PTGIS: variants seen among roughly 807,000 people sequenced by gnomAD.
PTGIS encodes the protein prostaglandin I2 synthase.
Under a neutral mutation model 50.3 loss-of-function variants are expected in PTGIS, and 45 were observed. That is an observed-to-expected ratio of 0.90 (90% confidence interval 0.70 to 1.15). The LOEUF is 1.15. Among genes scored for constraint, PTGIS ranks in the 50% most tolerant of loss-of-function variants. PTGIS has a pLI of 0.00. For synonymous variants in PTGIS, 260 were observed against 267.7 expected (o/e 0.97, Z 0.28); for missense variants, 668 against 661.3 (o/e 1.01, Z -0.11).
chr20:49,517,153 C>T (rs1981504506), intron 6 of PTGIS, among the ~76,000 whole-genome samples: 2 of 152,248 alleles, frequency 1.3e-5, no homozygotes, highest in Non-Finnish European at 2.9e-5. Context: ...GGGGGGGCCT[C>T]CGGCCCTTTC....
At chr20:49,537,181 G>A (rs140004474) in intron 5 of PTGIS, among the ~76,000 whole-genome samples, 17 of 152,286 alleles carry the variant, frequency 1.1e-4, no homozygotes, top group African/African-American at 4.1e-4. Flanking sequence ...GACCTGGATG[G>A]GGCTGAGGGA....
intron 5 of PTGIS, among the ~76,000 whole-genome samples, chr20:49,533,735 T>A (rs1335605722): frequency 2.0e-5 from 3 of 152,048 alleles, no homozygotes; most frequent in African/African-American, 7.2e-5. Context: ...AGCAGGCAGA[T>A]CACTTGAGGT....
intron 5 of PTGIS, among the ~76,000 whole-genome samples, chr20:49,536,473 T>C (rs1373675288): frequency 2.1e-5 from 3 of 140,956 alleles, no homozygotes; most frequent in Non-Finnish European, 4.5e-5. Flanking sequence ...TTTCTTTCTT[T>C]CTTTCTTTTT....
At chr20:49,530,141 C>T (rs1036516454) in intron 5 of PTGIS, among the ~76,000 whole-genome samples, 5 of 120,690 alleles carry the variant, frequency 4.1e-5, no homozygotes, top group African/African-American at 1.3e-4. Context: ...GAGACAAAAA[C>T]GAAACTCTGT....
In PTGIS at chr20:49,550,152, G is replaced by C. The variant is rs572235449; in HGVS notation, c.112C>G (p.Pro38Ala). The C allele has an allele frequency of 2.5e-6, 4 of 1,613,928 alleles. No individual in the cohort carries two copies. The African/African-American group carries it at 4.0e-5, about 16-fold the overall frequency. Residue 38 changes from proline to alanine, a missense_variant, in exon 2 of 10, where the codon CCC (proline) becomes GCC (alanine). Physicochemically the swap from Pro to Ala is conservative, Grantham distance 27. Transcript: ENST00000244043. ...AAGTCCAAGGCATACCCCAACCAGG[G>C]GATGCTGCCCAGGTCCAGGGGAGGC... ...GEPPLDLGSI[P>A]WLGYALDFGK...
intron 6 of PTGIS, among the ~76,000 whole-genome samples, chr20:49,520,145 C>T (rs497069): frequency 0.15 from 23,034 of 152,176 alleles, 1,956 homozygotes; most frequent in South Asian, 0.21. Context: ...GCCTCCCCAC[C>T]GTGTCACCCT....
At chr20:49,550,286 A>T in intron 1 of PTGIS, 97 bp from the exon 2 acceptor site, 1 of 1,513,748 alleles carries the variant, frequency 6.6e-7, no homozygotes, top group Non-Finnish European at 9.0e-7. Flanking sequence ...GCAGTCGGGG[A>T]GGTAATCTGA....
intron 9 of PTGIS, among the ~76,000 whole-genome samples, chr20:49,509,822 G>A (rs1332946453): frequency 6.8e-5 from 10 of 146,010 alleles, no homozygotes; most frequent in Admixed American, 5.5e-4. Flanking sequence ...TGAGGTTTTT[G>A]AGTGTTGGCC....
intron 6 of PTGIS, among the ~76,000 whole-genome samples, chr20:49,516,569 A>T (rs1306872382): frequency 6.6e-6 from 1 of 152,242 alleles, no homozygotes; most frequent in Non-Finnish European, 1.5e-5. Context: ...AGAAGGTTAG[A>T]TTAAAACAGC....
At chr20:49,567,968 C>A in intron 1 of PTGIS, 75 bp downstream of exon 1, 1 of 1,365,132 alleles carries the variant, frequency 7.3e-7, no homozygotes, top group Non-Finnish European at 9.5e-7. Context: ...CCGCGGGCTC[C>A]GAGACCCTTG....
intron 6 of PTGIS, among the ~76,000 whole-genome samples, chr20:49,519,697 C>G (rs549726776): frequency 3.3e-4 from 50 of 152,148 alleles, no homozygotes; most frequent in African/African-American, 1.1e-3. Flanking sequence ...TTCAACATAC[C>G]CAAAGCCCAA....
rs1471525960 is a variant in PTGIS at position 49,536,470 on chromosome 20, C to CTTT, written c.673+3097_673+3099dup. Among the ~76,000 whole-genome samples, 225 of 134,990 alleles carry CTTT rather than the reference C, an allele frequency of 1.7e-3. 1 individual carries two copies. Among genetic ancestry groups the CTTT allele is most frequent in the Non-Finnish European group, 2.5e-3 (161 of 64,426 alleles). The allele number at this position is 134,990 out of a possible 152,430, so 88.6% of individuals were successfully genotyped here. A position where few individuals can be genotyped will look rare whatever the true frequency, so the allele number is the denominator to read the frequency against. ...CTTTTTTTCTTTTCTTTCTTTCTTT[C>CTTT]TTTCTTTCTTTTTTTTTTTTTTTTT... is the stretch of plus-strand genomic sequence containing the variant. On this transcript the variant is annotated intron_variant, in intron 5 of 9. Transcript: ENST00000244043.
In PTGIS at chr20:49,523,965, CTGCACAGG is replaced by C. The variant is rs1337090674; in HGVS notation, c.855+85_855+92del. 2.1e-6 allele frequency: 3 copies of C among 1,458,604 alleles called. No homozygotes were observed. In the Admixed American group the frequency reaches 5.5e-5, roughly 27 times the overall value. 90.4% of individuals were successfully genotyped at this position (1,458,604 alleles called of 1,614,324 possible). On this transcript the variant is annotated intron_variant, in intron 6 of 9. Coordinates refer to ENST00000244043, the MANE Select transcript of PTGIS (RefSeq NM_000961.4). ...CACACAGGCATAGTCATGTGCACAC[CTGCACAGG>C]TGCACAGACATGCACACACACATGC...
At chr20:49,523,965 C>G in intron 6 of PTGIS, 93 bp downstream of exon 6, 3 of 1,458,604 alleles carry the variant, frequency 2.1e-6, no homozygotes, top group Admixed American at 1.8e-5. Flanking sequence ...ATGTGCACAC[C>G]TGCACAGGTG....
At chr20:49,566,245 A>G (rs958361238) in intron 1 of PTGIS, among the ~76,000 whole-genome samples, 1 of 152,174 alleles carries the variant, frequency 6.6e-6, no homozygotes, top group Non-Finnish European at 1.5e-5. Flanking sequence ...AAACAAACAA[A>G]CAAAAAAAGA....
intron 6 of PTGIS, among the ~76,000 whole-genome samples, chr20:49,520,778 T>C (rs1042884816): frequency 2.0e-5 from 3 of 152,220 alleles, no homozygotes; most frequent in Non-Finnish European, 4.4e-5. Context: ...GCAATGCTCT[T>C]GCCTCAGCCT....
intron 2 of PTGIS, among the ~76,000 whole-genome samples, chr20:49,548,483 AATGG>A (rs377327811): frequency 1.3e-5 from 2 of 151,268 alleles, no homozygotes; most frequent in African/African-American, 4.9e-5. Flanking sequence ...TGGATGGAAG[AATGG>A]ATGGATGGAT....
chr20:49,529,719 T>C (rs1420063079), intron 5 of PTGIS, among the ~76,000 whole-genome samples: 3 of 152,364 alleles, frequency 2.0e-5, no homozygotes, highest in African/African-American at 7.2e-5. Context: ...TGGGAGCCAC[T>C]GTCTCAGTTA....
chr20:49,512,431 G>A (rs201101508), intron 8 of PTGIS, among the ~76,000 whole-genome samples: 4 of 152,100 alleles, frequency 2.6e-5, no homozygotes, highest in East Asian at 3.9e-4. Flanking sequence ...ATGGATGGGC[G>A]GATGGATAGA....
Sources: gnomAD v4.1 joint callset for allele counts (sites outside exome capture counted in the v4.1 genomes callset) on GRCh38, gnomAD v4.1.1 for gene constraint, MANE v1.5 for transcripts, NCBI Gene and HGNC (gene_info 2026-07-23, HGNC 2026-07-21) for gene names.